The following VGLL2 variants were observed in gnomAD, a reference collection of about 807,000 sequenced individuals.
The protein encoded by VGLL2 is vestigial like family member 2.
In VGLL2, 18 loss-of-function variants were observed where a neutral mutation model predicts 27.0. That is an observed-to-expected ratio of 0.67 (90% CI 0.46 to 0.99). The LOEUF is 0.99. VGLL2 is among the 50% of genes least tolerant of loss of function. The pLI is 0.00. For synonymous variants in VGLL2, 220 were observed against 201.1 expected (o/e 1.09, Z -0.80); for missense variants, 491 against 452.3 (o/e 1.09, Z -0.78).
intron 3 of VGLL2, 131 bp downstream of exon 3, chr6:117,271,195 C>G (rs917300473): frequency 9.7e-6 from 8 of 821,330 alleles, no homozygotes; most frequent in Non-Finnish European, 1.3e-5. Flanking sequence ...ATGCCACGGT[C>G]GTGTTTCCAC....
intron 3 of VGLL2, 103 bp from the exon 4 acceptor site, chr6:117,272,351 A>G: frequency 6.2e-7 from 1 of 1,606,148 alleles, no homozygotes. Flanking sequence ...TACTGGTTTT[A>G]GACCGCCCAC....
intron 3 of VGLL2, 151 bp downstream of exon 3, chr6:117,271,215 GC>G: frequency 1.5e-6 from 1 of 685,250 alleles, no homozygotes; most frequent in Non-Finnish European, 2.0e-6. Context: ...CTGATACATG[GC>G]CCTGTGCCAT....
In VGLL2 at chr6:117,272,918, C is replaced by T. The variant is rs1773231909; in HGVS notation, c.*424C>T. Reference sequence around the variant, plus strand: ...ATTGTATGTGTACTTGCATCTAAGACTGTGGTAGAGAAGTAAAGAGAAGTC... The same window carrying T: ...ATTGTATGTGTACTTGCATCTAAGATTGTGGTAGAGAAGTAAAGAGAAGTC... On this transcript the variant is annotated 3_prime_UTR_variant, in exon 4 of 4. Coordinates refer to ENST00000326274, the MANE Select transcript of VGLL2 (RefSeq NM_182645.3). 1 of 182,894 alleles carries T rather than the reference C, an allele frequency of 5.5e-6. No homozygotes were observed. The highest frequency in any genetic ancestry group is 2.4e-5 in the African/African-American group (1 of 42,078). The allele number at this position is 182,894 out of a possible 1,614,324, so 11.3% of individuals were successfully genotyped here.
rs1315951338 is a variant in VGLL2, at chr6:117,273,496, T to G, written c.*1002T>G. ...TTTAGTGTTGGGACAGGGGAAAGGG[T>G]CTGTGCGTGGGCAAAGCTGAAGGTG... is the stretch of plus-strand genomic sequence containing the variant. On this transcript the variant is annotated 3_prime_UTR_variant, in exon 4 of 4. Transcript: ENST00000326274. The G allele has an allele frequency of 6.6e-6, 1 of 152,150 alleles. No individual in the cohort carries two copies. Among genetic ancestry groups the G allele is most frequent in the Non-Finnish European group, 1.5e-5 (1 of 68,054 alleles). 9.4% of individuals were successfully genotyped at this position (152,150 alleles called of 1,614,324 possible).
In VGLL2 at chr6:117,265,942, C is replaced by G; in HGVS notation, c.81+98C>G. 2.5e-6 allele frequency: 3 copies of G among 1,186,886 alleles called. No homozygotes were observed. The South Asian group carries it at 3.8e-5, about 15-fold the overall frequency. The allele number at this position is 1,186,886 out of a possible 1,614,324, so 73.5% of individuals were successfully genotyped here. On this transcript the variant is annotated intron_variant, in intron 1 of 3. Transcript: ENST00000326274. The stretch of plus-strand genomic sequence containing the variant: ...AGGTCTGCTGTGCCTCCGCGCGTCT[C>G]GGGCGTCCGACCACGACCGGCGCAG...
At chr6:117,267,981 C>A (rs1014081156) in intron 1 of VGLL2, among the ~76,000 whole-genome samples, 1 of 152,120 alleles carries the variant, frequency 6.6e-6, no homozygotes, top group African/African-American at 2.4e-5. Context: ...TAAGGAAGCC[C>A]GTCCTTGCTT....
chr6:117,265,583 A>T lies in VGLL2; in HGVS notation c.-181A>T. ...GCTTCTGCCCTGGAGCGCGGTCGGG[A>T]GTAAAATCGCAGGAGTGGGAGGGTA... On this transcript the variant is annotated 5_prime_UTR_variant, in exon 1 of 4. Coordinates refer to ENST00000326274, the MANE Select transcript of VGLL2 (RefSeq NM_182645.3). 1 of 603,726 alleles carries T rather than the reference A, an allele frequency of 1.7e-6. No homozygotes were observed. Among genetic ancestry groups the T allele is most frequent in the Non-Finnish European group, 3.0e-6 (1 of 334,522 alleles). The allele number at this position is 603,726 out of a possible 1,614,324, so 37.4% of individuals were successfully genotyped here. A position where few individuals can be genotyped will look rare whatever the true frequency, so the allele number is the denominator to read the frequency against.
Position 117,268,188 on chromosome 6 carries a change from G to T in VGLL2, c.88G>T (p.Ala30Ser). 1 of 1,613,598 alleles carries T rather than the reference G, an allele frequency of 6.2e-7. No individual in the cohort carries two copies. The highest frequency in any genetic ancestry group is 8.5e-7 in the Non-Finnish European group (1 of 1,179,798). Residue 30 changes from alanine (A) to serine (S), a missense_variant, in exon 2 of 4, where the codon GCC (alanine) becomes TCC (serine). By Grantham distance (99) the Ala-to-Ser change is moderately conservative. Coordinates refer to ENST00000326274, the MANE Select transcript of VGLL2 (RefSeq NM_182645.3). ...AAYTPYHQKL[A>S]YYSKMQEAQE... ...TCTTTCTCTCTCTGAACAGAAACTA[G>T]CCTATTATTCCAAAATGCAGGAAGC... is the stretch of plus-strand genomic sequence containing the variant.
At chr6:117,267,458 T>C (rs543449472) in intron 1 of VGLL2, among the ~76,000 whole-genome samples, 1 of 152,284 alleles carries the variant, frequency 6.6e-6, no homozygotes, top group African/African-American at 2.4e-5. Flanking sequence ...CACTGGTCTT[T>C]CGTTATTAAA....
rs769343651 is a variant in VGLL2, at chr6:117,270,785, G to A, written c.634G>A (p.Gly212Ser). Residue 212 changes from glycine to serine, a missense_variant, in exon 3 of 4, where the codon GGC becomes AGC. By Grantham distance (56) the Gly-to-Ser change is moderately conservative. Coordinates refer to ENST00000326274, the MANE Select transcript of VGLL2 (RefSeq NM_182645.3). ...AHPHHPYALG[G>S]ALGAQAAPYP... Reference sequence around the variant, plus strand: ...CCCGCATCACCCCTACGCCCTGGGCGGCGCCCTCGGCGCCCAGGCCGCCCC... The same window carrying A: ...CCCGCATCACCCCTACGCCCTGGGCAGCGCCCTCGGCGCCCAGGCCGCCCC... 10 of 1,444,978 alleles carry A rather than the reference G, an allele frequency of 6.9e-6. No individual in the cohort carries two copies. Among genetic ancestry groups the A allele is most frequent in the African/African-American group, 1.5e-5 (1 of 67,124 alleles). 89.5% of individuals were successfully genotyped at this position (1,444,978 alleles called of 1,614,324 possible).
chr6:117,271,069 G>T lies in VGLL2; in HGVS notation c.913+5G>T. ...TGGGCCTCAGCGTGGACTCAGGTAA[G>T]CAGAGGAAGAAGTTTGGTCTCCGCG... is the stretch of plus-strand genomic sequence containing the variant. On this transcript the variant is annotated splice_donor_5th_base_variant and intron_variant, in intron 3 of 3. Transcript: ENST00000326274. The T allele has an allele frequency of 1.6e-6, 2 of 1,222,882 alleles. No individual in the cohort carries two copies. Among genetic ancestry groups the T allele is most frequent in the Non-Finnish European group, 2.0e-6 (2 of 982,706 alleles). The allele number at this position is 1,222,882 out of a possible 1,614,324, so 75.8% of individuals were successfully genotyped here. A position where few individuals can be genotyped will look rare whatever the true frequency, so the allele number is the denominator to read the frequency against.
chr6:117,268,790 T>G (rs1312594495), intron 2 of VGLL2, among the ~76,000 whole-genome samples: 1 of 152,200 alleles, frequency 6.6e-6, no homozygotes, highest in East Asian at 1.9e-4. Flanking sequence ...CTCTATTTAC[T>G]GCTCTCTTAA....
rs747048163 is a variant in VGLL2, at chr6:117,268,380, G to C, written c.280G>C (p.Asp94His). 1.9e-6 allele frequency: 3 copies of C among 1,613,910 alleles called. No individual in the cohort carries two copies. Among genetic ancestry groups the C allele is most frequent in the East Asian group, 2.2e-5 (1 of 44,860 alleles). ...CGTCCTCTTCACTTATTTCCAGGGG[G>C]ACATCAGCTCCGTGGTGGATGAACA... Reference protein sequence around the residue: ...RCVLFTYFQGDISSVVDEHFS... With the variant: ...RCVLFTYFQGHISSVVDEHFS... Residue 94 changes from aspartate to histidine, a missense_variant, in exon 2 of 4, where the codon GAC (aspartate) becomes CAC (histidine). Physicochemically the swap from Asp to His is moderately conservative, Grantham distance 81. Transcript: ENST00000326274.
intron 1 of VGLL2, 107 bp from the exon 2 acceptor site, chr6:117,268,075 C>A: frequency 3.4e-6 from 4 of 1,189,444 alleles, no homozygotes; most frequent in Non-Finnish European, 4.8e-6. Context: ...AGCCCATATG[C>A]CAGTTTCCCC....
intron 2 of VGLL2, among the ~76,000 whole-genome samples, chr6:117,268,884 C>T (rs537217650): frequency 6.6e-6 from 1 of 152,238 alleles, no homozygotes; most frequent in South Asian, 2.1e-4. Flanking sequence ...CCGTCAAAAA[C>T]GTGAGGTTTC....
chr6:117,267,175 C>A (rs1257811867), intron 1 of VGLL2, among the ~76,000 whole-genome samples: 1 of 152,186 alleles, frequency 6.6e-6, no homozygotes, highest in African/African-American at 2.4e-5. Flanking sequence ...GACCCCGAAC[C>A]AATCTATTGC....
At position 117,272,607 on chromosome 6, in the gene VGLL2, C is replaced by A; in HGVS notation, c.*113C>A. On this transcript the variant is annotated 3_prime_UTR_variant, in exon 4 of 4. Transcript: ENST00000326274. Reference sequence around the variant, plus strand: ...CATGGGGGAAGGCAGAGACTTCAGACTTCTCAGTGTGTTGGGAAAACCAAA... The same window carrying A: ...CATGGGGGAAGGCAGAGACTTCAGAATTCTCAGTGTGTTGGGAAAACCAAA... 6.7e-7 allele frequency: 1 copy of A among 1,498,482 alleles called. No homozygotes were observed. The highest frequency in any genetic ancestry group is 9.1e-7 in the Non-Finnish European group (1 of 1,098,936). 92.8% of individuals were successfully genotyped at this position (1,498,482 alleles called of 1,614,324 possible).
In VGLL2 at chr6:117,268,500, AG is replaced by A; in HGVS notation, c.391+12del. The A allele has an allele frequency of 6.3e-7, 1 of 1,591,876 alleles. No homozygotes were observed. Among genetic ancestry groups the A allele is most frequent in the Non-Finnish European group, 8.6e-7 (1 of 1,168,804 alleles). On this transcript the variant is annotated intron_variant, in intron 2 of 3. Transcript: ENST00000326274. ...CTCTGGGCCCTGGCGAGGTGAGTATAGGGCCCTGCTGGGAAGGACCCATAGG... is the reference window on the plus strand; with the variant it reads ...CTCTGGGCCCTGGCGAGGTGAGTATAGGCCCTGCTGGGAAGGACCCATAGG...
intron 1 of VGLL2, 44 bp downstream of exon 1, chr6:117,265,888 C>G (rs775281415): frequency 2.6e-6 from 4 of 1,567,594 alleles, no homozygotes; most frequent in South Asian, 2.2e-5. Flanking sequence ...TGCGCGCCCC[C>G]CGTTTGCGGC....
Sources: gnomAD v4.1 joint callset for allele counts (sites outside exome capture counted in the v4.1 genomes callset) on GRCh38, gnomAD v4.1.1 for gene constraint, MANE v1.5 for transcripts, NCBI Gene and HGNC (gene_info 2026-07-23, HGNC 2026-07-21) for gene names.